SYNE1: variants seen among roughly 807,000 people sequenced by gnomAD.
The protein encoded by SYNE1 is spectrin repeat containing nuclear envelope protein 1, also known as nesprin-1.
In SYNE1, 616 loss-of-function variants were observed where a neutral mutation model predicts 1,111.0. The observed-to-expected ratio is 0.55, with a 90% CI of 0.52 to 0.59. The LOEUF is 0.59. Among genes scored for constraint, SYNE1 ranks in the 20% least tolerant of loss-of-function variants. The pLI is 0.00. For missense variants in SYNE1, 10,006 were observed against 10,417.0 expected, an observed-to-expected ratio of 0.96 and a Z score of 1.72; for synonymous variants, 3,855 against 3,825.8, an observed-to-expected ratio of 1.01 and a Z score of -0.28.
chr6:152,274,077 G>A (rs2093413347), intron 98 of SYNE1, among the ~76,000 whole-genome samples: 2 of 152,168 alleles, frequency 1.3e-5, no homozygotes, highest in Non-Finnish European at 2.9e-5. Context: ...ACTGAAAATA[G>A]AAGAAAGCAT....
chr6:152,502,663 G>C lies in SYNE1; in HGVS notation c.858C>G (p.His286Gln). The C allele has an allele frequency of 6.2e-7, 1 of 1,613,744 alleles. No individual in the cohort carries two copies. Among genetic ancestry groups the C allele is most frequent in the Non-Finnish European group, 8.5e-7 (1 of 1,179,762 alleles). ...CCTCTTGCCCATCAGTGCTTGCATT[G>C]TGGATGTCAGGATAATGTTTCAGAA... ...AQFLKHYPDI[H>Q]NASTDGQEDD... Residue 286 changes from histidine (H) to glutamine (Q), a missense_variant, in exon 10 of 146, where the codon CAC becomes CAG. Coordinates refer to ENST00000367255, the MANE Select transcript of SYNE1 (RefSeq NM_182961.4).
intron 119 of SYNE1, among the ~76,000 whole-genome samples, chr6:152,219,460 C>T (rs760893670): frequency 1.4e-5 from 2 of 144,048 alleles, no homozygotes; most frequent in Non-Finnish European, 1.5e-5. Flanking sequence ...ATTACAGGAC[C>T]TTGGGGAAAT....
At chr6:152,297,290 C>CAACT (rs764571589) in intron 93 of SYNE1, among the ~76,000 whole-genome samples, 1 of 152,154 alleles carries the variant, frequency 6.6e-6, no homozygotes, top group South Asian at 2.1e-4. Flanking sequence ...TCACACGACC[C>CAACT]AACTGCACTC....
intron 10 of SYNE1, among the ~76,000 whole-genome samples, chr6:152,499,596 T>C (rs2099017858): frequency 6.6e-6 from 1 of 152,104 alleles, no homozygotes; most frequent in Non-Finnish European, 1.5e-5. Flanking sequence ...TCAAAACTAA[T>C]ACGCATAGTT....
intron 77 of SYNE1, 131 bp downstream of exon 77, chr6:152,333,877 C>T (rs907237255): frequency 8.0e-7 from 1 of 1,257,302 alleles, no homozygotes; most frequent in African/African-American, 1.5e-5. Context: ...AACTAATCCA[C>T]CCGCCTCAGC....
At chr6:152,509,754 A>G (rs2099075673) in intron 8 of SYNE1, among the ~76,000 whole-genome samples, 1 of 150,394 alleles carries the variant, frequency 6.6e-6, no homozygotes, top group African/African-American at 2.5e-5. Context: ...AAGTTTCAGA[A>G]CATAAAAAAA....
At chr6:152,485,037 C>T in intron 12 of SYNE1, 65 bp from the exon 13 acceptor site, 1 of 1,525,184 alleles carries the variant, frequency 6.6e-7, no homozygotes, top group Non-Finnish European at 9.0e-7. Flanking sequence ...AAGGAAAGCA[C>T]ATTTCCTAAA....
At chr6:152,446,416 T>C (rs2098592847) in intron 29 of SYNE1, among the ~76,000 whole-genome samples, 1 of 152,150 alleles carries the variant, frequency 6.6e-6, no homozygotes, top group Non-Finnish European at 1.5e-5. Context: ...AATTTATATA[T>C]AAAAATTCTC....
At chr6:152,488,707 T>C (rs1450247532) in intron 11 of SYNE1, among the ~76,000 whole-genome samples, 1 of 145,838 alleles carries the variant, frequency 6.9e-6, no homozygotes, top group African/African-American at 2.6e-5. Context: ...TCTTATTGAA[T>C]AACGAAATTA....
chr6:152,538,102 G>A (rs2099252350), intron 4 of SYNE1, among the ~76,000 whole-genome samples: 1 of 152,118 alleles, frequency 6.6e-6, no homozygotes, highest in Non-Finnish European at 1.5e-5. Context: ...ACTTTGAAGG[G>A]TGTTTTAATA....
In SYNE1 at chr6:152,154,920, A is replaced by T. The variant is rs144029809; in HGVS notation, c.24101T>A (p.Val8034Asp). 1 of 1,614,056 alleles carries T rather than the reference A, an allele frequency of 6.2e-7. No homozygotes were observed. Among genetic ancestry groups the T allele is most frequent in the Non-Finnish European group, 8.5e-7 (1 of 1,180,032 alleles). Residue 8034 changes from valine (V) to aspartate (D), a missense_variant, in exon 133 of 146, where the codon GTT becomes GAT. Physicochemically the swap from Val to Asp is radical, Grantham distance 152. Transcript: ENST00000367255. ...FPSSSGVIYT[V>D]AKEELKKFEA... ...AAATTTCTTTAGTTCTTCCTTGGCA[A>T]CTGTATAGATCACCCCAGAAGAGCT...
At chr6:152,476,591 G>A (rs1593478168) in intron 14 of SYNE1, among the ~76,000 whole-genome samples, 1 of 152,058 alleles carries the variant, frequency 6.6e-6, no homozygotes, top group African/African-American at 2.4e-5. Context: ...AAAAAAAATG[G>A]GGCTGGGTGC....
rs1172072268 is a variant in SYNE1 at position 152,461,617 on chromosome 6, G to A, written c.2374C>T (p.Leu792Phe). ...CGCACCTTGGTTAGCTGCTCTTTGA[G>A]CTTTGACATGGTCGCAAACATTTCT... is the stretch of plus-strand genomic sequence containing the variant. ...GKEMFATMSK[L>F]KEQLTKVKEC... Residue 792 changes from leucine (L) to phenylalanine (F), a missense_variant, in exon 21 of 146, where the codon CTC becomes TTC. Coordinates refer to ENST00000367255, the MANE Select transcript of SYNE1 (RefSeq NM_182961.4). The A allele has an allele frequency of 2.5e-6, 4 of 1,613,998 alleles. No homozygotes were observed. In the East Asian group the frequency reaches 8.9e-5, roughly 36 times the overall value.
intron 11 of SYNE1, among the ~76,000 whole-genome samples, chr6:152,492,762 G>T: frequency 6.6e-6 from 1 of 152,142 alleles, no homozygotes; most frequent in East Asian, 1.9e-4. Flanking sequence ...TGGAGTGTAA[G>T]TCCATACCCT....
intron 93 of SYNE1, among the ~76,000 whole-genome samples, chr6:152,298,818 G>T (rs1318364410): frequency 6.6e-6 from 1 of 152,164 alleles, no homozygotes; most frequent in Admixed American, 6.6e-5. Flanking sequence ...TAATGATGGG[G>T]TTGATTTGTT....
Position 152,478,987 on chromosome 6 carries a change from A to G in SYNE1, c.1350+4098T>C, listed in dbSNP as rs545193004. On this transcript the variant is annotated intron_variant, in intron 14 of 145. Coordinates refer to ENST00000367255, the MANE Select transcript of SYNE1 (RefSeq NM_182961.4). ...TTACATTGCATTTAAGCAGAGCACA[A>G]AAGGAGATGGTAAAGAGAACAGGAT... 9.8e-5 allele frequency among the ~76,000 whole-genome samples: 15 copies of G among 152,322 alleles called. 1 individual carries two copies. Among genetic ancestry groups the G allele is most frequent in the African/African-American group, 1.7e-4 (7 of 41,562 alleles).
At position 152,449,515 on chromosome 6, in the gene SYNE1, T is replaced by C. The variant is rs1359683639; in HGVS notation, c.3504+18A>G. 3.1e-6 allele frequency: 5 copies of C among 1,588,746 alleles called. No homozygotes were observed. The highest frequency in any genetic ancestry group is 1.1e-5 in the South Asian group (1 of 90,528). ...CTATGAGAAATTTTCCTCTAGCAAA[T>C]AATGACCCTGAACTTACTTCAACGG... On this transcript the variant is annotated intron_variant, in intron 28 of 145. Coordinates refer to ENST00000367255, the MANE Select transcript of SYNE1 (RefSeq NM_182961.4).
rs2099133689 is a variant in SYNE1, at chr6:152,520,518, T to C, written c.250A>G (p.Lys84Glu). The C allele has an allele frequency of 6.2e-7, 1 of 1,613,606 alleles. No individual in the cohort carries two copies. The highest frequency in any genetic ancestry group is 8.5e-7 in the Non-Finnish European group (1 of 1,179,738). ...ATGTTAGCCACAGCATGGATTCGCT[T>C]CATCCGGCGTCCTTGTTCACAAGGC... ...KLPCEQGRRM[K>E]RIHAVANIGT... Residue 84 changes from lysine to glutamate, a missense_variant, in exon 6 of 146, where the codon AAG (lysine) becomes GAG (glutamate). Transcript: ENST00000367255.
intron 6 of SYNE1, among the ~76,000 whole-genome samples, chr6:152,512,723 T>G (rs1004022111): frequency 1.3e-5 from 2 of 152,190 alleles, no homozygotes; most frequent in East Asian, 3.8e-4. Context: ...AAAAATGTTT[T>G]TCATGATTAT....
Sources: gnomAD v4.1 joint callset for allele counts (sites outside exome capture counted in the v4.1 genomes callset) on GRCh38, gnomAD v4.1.1 for gene constraint, MANE v1.5 for transcripts, NCBI Gene and HGNC (gene_info 2026-07-23, HGNC 2026-07-21) for gene names.